Variants in DIP2A observed in about 807,000 individuals in gnomAD.
DIP2A encodes the protein disco-interacting protein 2 homolog A.
DIP2A carries 85 observed loss-of-function variants against 177.4 expected under a neutral mutation model. The ratio of observed to expected loss-of-function variants is 0.48; its 90% CI spans 0.40 to 0.57. The LOEUF (loss-of-function observed/expected upper bound fraction) is 0.57. Ranked by LOEUF, DIP2A falls within the 20% of genes least tolerant of loss-of-function variation. DIP2A has a pLI of 0.00. For synonymous variants in DIP2A, 886 were observed against 881.8 expected (o/e 1.00, Z -0.08); for missense variants, 1,791 against 2,100.2 (o/e 0.85, Z 2.88).
chr21:46,561,420 G>C, intron 33 of DIP2A: 1 of 389,804 alleles, frequency 2.6e-6, no homozygotes, highest in Non-Finnish European at 4.8e-6. Flanking sequence ...TCTCAAGTAT[G>C]GCCACACTGT....
intron 3 of DIP2A, among the ~76,000 whole-genome samples, chr21:46,495,127 C>G (rs2057233773): frequency 6.6e-6 from 1 of 152,086 alleles, no homozygotes; most frequent in African/African-American, 2.4e-5. Flanking sequence ...TACTTCATCT[C>G]TCTCTCTCCC....
rs772613749 is a variant in DIP2A at position 46,567,503 on chromosome 21, G to A, written c.4597G>A (p.Val1533Ile). 1.9e-6 allele frequency: 3 copies of A among 1,613,930 alleles called. No homozygotes were observed. The highest frequency in any genetic ancestry group is 2.5e-6 in the Non-Finnish European group (3 of 1,179,876). Residue 1533 changes from valine to isoleucine, a missense_variant, in exon 38 of 38, where the codon GTC becomes ATC. Physicochemically the swap from Val to Ile is conservative, Grantham distance 29. Transcript: ENST00000417564. ...GCACTACCTGGTCGTGGGAGTGGTG[G>A]TCATCGTGGACCCAGGGGTGATCCC... ...EEHYLVVGVV[V>I]IVDPGVIPIN...
chr21:46,557,157 T>C lies in DIP2A; in HGVS notation c.3629+88T>C. The C allele has an allele frequency of 6.9e-7, 1 of 1,440,234 alleles. No individual in the cohort carries two copies. 89.2% of individuals were successfully genotyped at this position (1,440,234 alleles called of 1,614,324 possible). Reference sequence around the variant, plus strand: ...GGCCTTCTAAGGCACCTTTTCTGGGTGCTCAGGAAGCCGATGAGATGTGTG... The same window carrying C: ...GGCCTTCTAAGGCACCTTTTCTGGGCGCTCAGGAAGCCGATGAGATGTGTG... On this transcript the variant is annotated intron_variant, in intron 30 of 37. Transcript: ENST00000417564. The surrounding 1 kb of genome is among the most constrained non-coding windows in gnomAD (Gnocchi z 6.0).
chr21:46,566,576 G>A lies in DIP2A; in HGVS notation c.4356G>A (p.Leu1452=), dbSNP rs1016706402. 2.5e-6 allele frequency: 4 copies of A among 1,614,122 alleles called. No homozygotes were observed. Among genetic ancestry groups the A allele is most frequent in the South Asian group, 1.1e-5 (1 of 91,086 alleles). Residue 1452 remains leucine, a synonymous_variant, in exon 37 of 38, where the codon CTG becomes CTA. Transcript: ENST00000417564. ...TGTTCACAGGGCGGCACGATGCACT[G>A]TATGTGGTTGGGTCTCTGGATGAAA... The part of the protein sequence containing the change: ...TDASGGRHDA[L]YVVGSLDETL...
chr21:46,551,358 A>G (rs909890056), intron 23 of DIP2A, among the ~76,000 whole-genome samples: 1 of 152,218 alleles, frequency 6.6e-6, no homozygotes, highest in Admixed American at 6.5e-5. Context: ...AAAACAAAAT[A>G]TGTTAAGAAT....
At chr21:46,575,319 A>G in the DIP2A span, among the ~76,000 whole-genome samples, 1 of 152,166 alleles carries the variant, frequency 6.6e-6, no homozygotes, top group African/African-American at 2.4e-5. Context: ...AACAAACATC[A>G]TACTCAGTAG....
In DIP2A at chr21:46,537,216, A is replaced by G; in HGVS notation, c.1643-8A>G. ...CTCAGTGGTGTCACCTTCTTTGTCC[A>G]CTTGCAGCTGAAACATTAACAAACG... On this transcript the variant is annotated splice_polypyrimidine_tract_variant and splice_region_variant and intron_variant, in intron 13 of 37. Transcript: ENST00000417564. This position sits in a 1 kb window ranked among gnomAD's most constrained non-coding sequence, Gnocchi z 4.1. 2 of 1,614,010 alleles carry G rather than the reference A, an allele frequency of 1.2e-6. No individual in the cohort carries two copies. Among genetic ancestry groups the G allele is most frequent in the Non-Finnish European group, 8.5e-7 (1 of 1,179,886 alleles).
At chr21:46,509,616 G>A (rs943321642) in intron 7 of DIP2A, among the ~76,000 whole-genome samples, 2 of 151,760 alleles carry the variant, frequency 1.3e-5, no homozygotes, top group African/African-American at 4.8e-5. Context: ...ATTCTTCTAC[G>A]GTTTTATTTA....
In DIP2A at chr21:46,502,970, T is replaced by C. The variant is rs2057736434; in HGVS notation, c.656-1391T>C. Among the ~76,000 whole-genome samples the C allele has an allele frequency of 2.6e-5, 4 of 152,172 alleles. No individual in the cohort carries two copies. In the South Asian group the frequency reaches 8.3e-4, roughly 32 times the overall value. On this transcript the variant is annotated intron_variant, in intron 5 of 37. Transcript: ENST00000417564. ...ACATTCAGACAATGGAAGGAGTGAC[T>C]TTTACATATGTTCCAGATCTAATGT... is the stretch of plus-strand genomic sequence containing the variant.
chr21:46,484,142 T>G (rs1463368214), intron 1 of DIP2A, among the ~76,000 whole-genome samples: 1 of 152,212 alleles, frequency 6.6e-6, no homozygotes, highest in Non-Finnish European at 1.5e-5. Context: ...TTGTGAAACT[T>G]GAACCTGCAC....
chr21:46,503,325 CA>C (rs66982574), intron 5 of DIP2A, among the ~76,000 whole-genome samples: 42,986 of 101,286 alleles, frequency 0.42, 6,440 homozygotes, highest in East Asian at 0.52. Flanking sequence ...GACTCCATCT[CA>C]AAAAAAAAAA....
intron 28 of DIP2A, chr21:46,555,529 T>C (rs2060435340): frequency 4.9e-6 from 1 of 205,096 alleles, no homozygotes; most frequent in East Asian, 1.4e-4. Context: ...CTGTGTCCAG[T>C]TGCACCCAGG....
downstream of DIP2A, among the ~76,000 whole-genome samples, chr21:46,571,360 T>C (rs1428985264): frequency 6.6e-6 from 1 of 152,200 alleles, no homozygotes; most frequent in Non-Finnish European, 1.5e-5. Flanking sequence ...AGCAGATTGC[T>C]CATCAGAAAC....
Position 46,554,714 on chromosome 21 carries a change from G to T in DIP2A, c.3276+18G>T. 6.4e-7 allele frequency: 1 copy of T among 1,556,258 alleles called. No homozygotes were observed. On this transcript the variant is annotated intron_variant, in intron 27 of 37. Transcript: ENST00000417564. ...TCGTGGAGGTGCGCCTACCTGGCCC[G>T]CGGGTCAGAGTCTGTGAGTGGGAGG... is the stretch of plus-strand genomic sequence containing the variant.
Position 46,541,744 on chromosome 21 carries a change from T to C in DIP2A, c.2037-12T>C. ...CCTCGTCAGTTAAACCCATGGTGGT[T>C]TTATTTTCTAGGCCACCTGATCTGG... On this transcript the variant is annotated splice_polypyrimidine_tract_variant and intron_variant, in intron 17 of 37. Transcript: ENST00000417564. 6.2e-7 allele frequency: 1 copy of C among 1,613,822 alleles called. No individual in the cohort carries two copies. Among genetic ancestry groups the C allele is most frequent in the South Asian group, 1.1e-5 (1 of 91,084 alleles).
At chr21:46,479,223 T>C (rs2056159900) in intron 1 of DIP2A, among the ~76,000 whole-genome samples, 1 of 152,228 alleles carries the variant, frequency 6.6e-6, no homozygotes, top group South Asian at 2.1e-4. Context: ...TTGACTTCAC[T>C]TGGCCCTCAG....
At position 46,545,888 on chromosome 21, in the gene DIP2A, C is replaced by T. The variant is rs747131226; in HGVS notation, c.2321C>T (p.Pro774Leu). 84 of 1,613,712 alleles carry T rather than the reference C, an allele frequency of 5.2e-5. No individual in the cohort carries two copies. The highest frequency in any genetic ancestry group is 6.9e-5 in the Non-Finnish European group (81 of 1,179,802). The change falls in exon 20 of 38, where the codon CCG (proline) becomes CTG (leucine). Residue 774 changes from proline (P) to leucine (L), a missense_variant. Transcript: ENST00000417564. ...CCTCTCCACTTTGTGCAGGCAGTTCCGGTCACCACAGGAGGAGCACCCATC... is the reference window on the plus strand; with the variant it reads ...CCTCTCCACTTTGTGCAGGCAGTTCTGGTCACCACAGGAGGAGCACCCATC... Reference protein sequence around the residue: ...GITKNVFEAVPVTTGGAPIFD... With the variant: ...GITKNVFEAVLVTTGGAPIFD...
At chr21:46,512,970 T>C (rs1380108542) in intron 8 of DIP2A, among the ~76,000 whole-genome samples, 6 of 152,174 alleles carry the variant, frequency 3.9e-5, no homozygotes. Context: ...TCTTATTTCT[T>C]TGTATGTTTC....
At chr21:46,548,560 T>C (rs2148856382) in intron 21 of DIP2A, among the ~76,000 whole-genome samples, 1 of 152,218 alleles carries the variant, frequency 6.6e-6, no homozygotes, top group Middle Eastern at 3.4e-3. Flanking sequence ...AAGTAATTGT[T>C]CAAAGAACAC....
Sources: allele counts gnomAD v4.1 joint callset (sites outside exome capture counted in the v4.1 genomes callset), GRCh38; gene constraint gnomAD v4.1.1; non-coding constraint Gnocchi (gnomAD v3.1); transcripts MANE v1.5; gene names NCBI Gene and HGNC (gene_info 2026-07-23, HGNC 2026-07-21).